APLP2: variants seen among roughly 807,000 people sequenced by gnomAD.
APLP2 encodes CDEI box-binding protein.
A neutral mutation model predicts 89.9 loss-of-function variants in APLP2; 53 were observed. The ratio of observed to expected loss-of-function variants is 0.59; its 90% CI spans 0.47 to 0.74. APLP2 has a LOEUF of 0.74. APLP2 is among the 30% of genes least tolerant of loss of function. APLP2 has a pLI of 0.00. For synonymous variants in APLP2, 372 were observed against 348.6 expected, an observed-to-expected ratio of 1.07 and a Z score of -0.75; for missense variants, 973 against 975.9, an observed-to-expected ratio of 1.00 and a Z score of 0.04.
intron 1 of APLP2, chr11:130,070,626 C>T (rs1940816279): frequency 3.4e-6 from 5 of 1,449,318 alleles, no homozygotes; most frequent in Admixed American, 2.6e-5. Context: ...CTGCGAGCCC[C>T]GGGGGAGCTC....
Position 130,143,631 on chromosome 11 carries a change from A to G in APLP2, c.*183A>G. 1.8e-6 allele frequency: 1 copy of G among 570,514 alleles called. No homozygotes were observed. The highest frequency in any genetic ancestry group is 2.1e-5 in the South Asian group (1 of 47,878). The allele number at this position is 570,514 out of a possible 1,614,324, so 35.3% of individuals were successfully genotyped here. Reference sequence around the variant, plus strand: ...CAATTTCCATTCTTTTAAATGGGTGAAAAATGGTAATATAACAATATATGA... The same window carrying G: ...CAATTTCCATTCTTTTAAATGGGTGGAAAATGGTAATATAACAATATATGA... On this transcript the variant is annotated 3_prime_UTR_variant, in exon 17 of 17. Transcript: ENST00000338167.
chr11:130,092,648 C>T (rs1254069255), intron 1 of APLP2, among the ~76,000 whole-genome samples: 1 of 125,072 alleles, frequency 8.0e-6, no homozygotes, highest in Admixed American at 1.0e-4. Context: ...TGCAGTGAGC[C>T]GAGATGGCAG....
chr11:130,090,080 G>T (rs550670068), intron 1 of APLP2, among the ~76,000 whole-genome samples: 122 of 152,226 alleles, frequency 8.0e-4, no homozygotes, highest in African/African-American at 2.7e-3. Context: ...AATGATCTTT[G>T]AATAAAGGGT....
chr11:130,092,119 C>G (rs1456973165), intron 1 of APLP2, among the ~76,000 whole-genome samples: 1 of 118,082 alleles, frequency 8.5e-6, no homozygotes, highest in Non-Finnish European at 1.7e-5. Flanking sequence ...ACATCTCAGA[C>G]GATGGGCGGC....
intron 1 of APLP2, among the ~76,000 whole-genome samples, chr11:130,079,140 C>T (rs1265032713): frequency 6.6e-6 from 1 of 151,380 alleles, no homozygotes; most frequent in African/African-American, 2.4e-5. Context: ...GCTCTGTCAC[C>T]CAGGCTGGAG....
chr11:130,138,197 C>T (rs1951863055), intron 13 of APLP2, among the ~76,000 whole-genome samples: 1 of 152,200 alleles, frequency 6.6e-6, no homozygotes, highest in African/African-American at 2.4e-5. Context: ...TTGGCTTTGG[C>T]AGACTTCCTG....
intron 1 of APLP2, among the ~76,000 whole-genome samples, chr11:130,093,129 A>AG (rs1945662638): frequency 6.6e-6 from 1 of 152,190 alleles, no homozygotes; most frequent in African/African-American, 2.4e-5. Flanking sequence ...CTCCCTAACC[A>AG]GGCCCGGGGC....
chr11:130,089,728 G>A (rs1203186790), intron 1 of APLP2, among the ~76,000 whole-genome samples: 1 of 152,228 alleles, frequency 6.6e-6, no homozygotes, highest in Non-Finnish European at 1.5e-5. Flanking sequence ...AGCAGGACTG[G>A]ACTCCTTCTG....
Position 130,121,670 on chromosome 11 carries a change from G to C in APLP2, c.573G>C (p.Gly191=). 6.2e-7 allele frequency: 1 copy of C among 1,614,114 alleles called. No individual in the cohort carries two copies. Among genetic ancestry groups the C allele is most frequent in the Non-Finnish European group, 8.5e-7 (1 of 1,180,028 alleles). The change falls in exon 5 of 17, where the codon GGG becomes GGC. Residue 191 remains glycine, a synonymous_variant. Coordinates refer to ENST00000338167, the MANE Select transcript of APLP2 (RefSeq NM_001142276.2). ...GCTACGGCATGCTGCTCCCATGTGG[G>C]GTAGACCAGTTCCATGGCACTGAAT... ...LYSYGMLLPC[G]VDQFHGTEYV...
At chr11:130,071,987 T>G (rs1050125288) in intron 1 of APLP2, among the ~76,000 whole-genome samples, 1 of 152,202 alleles carries the variant, frequency 6.6e-6, no homozygotes, top group Non-Finnish European at 1.5e-5. Context: ...AGGATGTCTT[T>G]GGGAAGGCCC....
intron 1 of APLP2, 91 bp downstream of exon 1, chr11:130,070,173 GGCCGGCGGTGCGGC>G (rs1349136351): frequency 1.2e-6 from 1 of 846,584 alleles, no homozygotes; most frequent in Non-Finnish European, 1.5e-6. Context: ...CGGCAGGGCG[GGCCGGCGGTGCGGC>G]GCCGGGGGTC....
Position 130,127,760 on chromosome 11 carries a change from T to C in APLP2, c.1222-6T>C, listed in dbSNP as rs1212788355. The stretch of plus-strand genomic sequence containing the variant: ...CTGCTGACGGCGTTTTTGACCTTTG[T>C]TCTAGGTAAAGAAGGAATGGGAAGA... On this transcript the variant is annotated splice_polypyrimidine_tract_variant and splice_region_variant and intron_variant, in intron 8 of 16. Coordinates refer to ENST00000338167, the MANE Select transcript of APLP2 (RefSeq NM_001142276.2). The C allele has an allele frequency of 1.9e-6, 3 of 1,613,940 alleles. No homozygotes were observed. The East Asian group carries it at 6.7e-5, about 36-fold the overall frequency.
chr11:130,083,021 C>CT lies in APLP2; in HGVS notation c.105+12943dup, dbSNP rs1469566240. Reference sequence around the variant, plus strand: ...AAATATATTAACCACTGAAACTTTTCTTTTCTTTTTTTTTTTTTTTTTTTT... The same window carrying CT: ...AAATATATTAACCACTGAAACTTTTCTTTTTCTTTTTTTTTTTTTTTTTTTT... On this transcript the variant is annotated intron_variant, in intron 1 of 16. Coordinates refer to ENST00000338167, the MANE Select transcript of APLP2 (RefSeq NM_001142276.2). Among the ~76,000 whole-genome samples the CT allele has an allele frequency of 2.3e-3, 183 of 79,936 alleles. 7 individuals are homozygous for CT. Among genetic ancestry groups the CT allele is most frequent in the East Asian group, 0.011 (21 of 1,988 alleles). 52.4% of individuals were successfully genotyped at this position (79,936 alleles called of 152,430 possible).
intron 1 of APLP2, among the ~76,000 whole-genome samples, chr11:130,096,066 C>T (rs57833430): frequency 0.11 from 16,766 of 152,168 alleles, 1,180 homozygotes; most frequent in East Asian, 0.24. Flanking sequence ...AGGCCTTCCA[C>T]GGAATGCCCC....
chr11:130,140,289 G>GTGC, intron 13 of APLP2, 109 bp from the exon 14 acceptor site: 1 of 701,954 alleles, frequency 1.4e-6, no homozygotes, highest in East Asian at 2.7e-5. Context: ...GCGTGGGGAG[G>GTGC]TGCGTGTTGA....
chr11:130,071,104 C>T (rs936247644), intron 1 of APLP2, among the ~76,000 whole-genome samples: 4 of 152,052 alleles, frequency 2.6e-5, no homozygotes, highest in Admixed American at 6.6e-5. Flanking sequence ...TATTTCTTCT[C>T]CCTCTTCGCT....
intron 1 of APLP2, among the ~76,000 whole-genome samples, chr11:130,107,156 T>C (rs903922842): frequency 3.3e-5 from 5 of 152,246 alleles, no homozygotes; most frequent in African/African-American, 1.2e-4. Context: ...CATGTTGCTT[T>C]GCGAAATAGT....
Position 130,076,510 on chromosome 11 carries a change from C to T in APLP2, c.105+6428C>T, listed in dbSNP as rs866649422. ...AGAGATTTTTATCAAAATCAAGGTG[C>T]GGGATTATTTGGAAGAGAGAAGGCT... On this transcript the variant is annotated intron_variant, in intron 1 of 16. Transcript: ENST00000338167. Among the ~76,000 whole-genome samples the T allele has an allele frequency of 5.5e-4, 83 of 152,146 alleles. 1 individual carries two copies. In the Middle Eastern group the frequency reaches 0.024, roughly 44 times the overall value.
In APLP2 at chr11:130,118,016, G is replaced by C. The variant is rs1338937743; in HGVS notation, c.404-2690G>C. Reference sequence around the variant, plus strand: ...CACTTGAACCCGGGAGGCAGAGTTTGTAGTGAGCTGAGATTGCGCCACTGC... The same window carrying C: ...CACTTGAACCCGGGAGGCAGAGTTTCTAGTGAGCTGAGATTGCGCCACTGC... On this transcript the variant is annotated intron_variant, in intron 3 of 16. Coordinates refer to ENST00000338167, the MANE Select transcript of APLP2 (RefSeq NM_001142276.2). Among the ~76,000 whole-genome samples, 3 of 150,692 alleles carry C rather than the reference G, an allele frequency of 2.0e-5. No individual in the cohort carries two copies. In the East Asian group the frequency reaches 5.9e-4, roughly 29 times the overall value.
Sources: gnomAD v4.1 joint callset for allele counts (sites outside exome capture counted in the v4.1 genomes callset) on GRCh38, gnomAD v4.1.1 for gene constraint, MANE v1.5 for transcripts, NCBI Gene and HGNC (gene_info 2026-07-23, HGNC 2026-07-21) for gene names.